The following ASCC3 variants were observed in gnomAD, a reference collection of about 807,000 sequenced individuals.
ASCC3 encodes the protein ASC-1 complex subunit P200.
In ASCC3, 158 loss-of-function variants were observed where a neutral mutation model predicts 256.3. The ratio of observed to expected loss-of-function variants is 0.62; its 90% CI spans 0.54 to 0.70. The LOEUF (loss-of-function observed/expected upper bound fraction) is 0.70. ASCC3 is among the 30% of genes least tolerant of loss of function. The probability of loss-of-function intolerance (pLI) is 0.00; values close to 1 mark genes in which losing one functional copy is unlikely to be tolerated. For synonymous variants in ASCC3, 948 were observed against 883.4 expected, an observed-to-expected ratio of 1.07 and a Z score of -1.30; for missense variants, 2,259 against 2,626.0, an observed-to-expected ratio of 0.86 and a Z score of 3.05.
chr6:100,759,012 A>G (rs1300891377), intron 10 of ASCC3, among the ~76,000 whole-genome samples: 1 of 152,126 alleles, frequency 6.6e-6, no homozygotes, highest in African/African-American at 2.4e-5. Flanking sequence ...GCTGTTTTAC[A>G]TATGTTTGTC....
chr6:100,723,896 A>ATATT (rs1174713262), intron 11 of ASCC3, among the ~76,000 whole-genome samples: 24 of 123,144 alleles, frequency 1.9e-4, no homozygotes, highest in Non-Finnish European at 3.9e-4. Flanking sequence ...ATATATATAT[A>ATATT]TTTATAATTA....
chr6:100,782,249 G>C (rs369320817), intron 8 of ASCC3, among the ~76,000 whole-genome samples: 1 of 152,022 alleles, frequency 6.6e-6, no homozygotes, highest in East Asian at 1.9e-4. Context: ...GATTGTTATC[G>C]GTGCTTTTAA....
At chr6:100,717,927 T>C in intron 12 of ASCC3, 148 bp downstream of exon 12, 1 of 666,988 alleles carries the variant, frequency 1.5e-6, no homozygotes. Context: ...ATATCACATC[T>C]GTAATGTGAT....
intron 14 of ASCC3, 139 bp from the exon 15 acceptor site, chr6:100,662,675 A>G: frequency 2.8e-6 from 2 of 705,042 alleles, no homozygotes; most frequent in Non-Finnish European, 4.7e-6. Context: ...TTAGTATATA[A>G]TGCTTTATAT....
Position 100,814,827 on chromosome 6 carries a change from CTT to C in ASCC3, c.802-8949_802-8948del, listed in dbSNP as rs1470250257. On this transcript the variant is annotated intron_variant, in intron 4 of 41. Coordinates refer to ENST00000369162, the MANE Select transcript of ASCC3 (RefSeq NM_006828.4). ...AATTGTGTTTATTTGGATTTTCTCTCTTTTCTTCTTCATTAGTCTAGCTAGCA... is the reference window on the plus strand; with the variant it reads ...AATTGTGTTTATTTGGATTTTCTCTCTTCTTCTTCATTAGTCTAGCTAGCA... 2.0e-5 allele frequency among the ~76,000 whole-genome samples: 3 copies of C among 151,982 alleles called. No individual in the cohort carries two copies. The East Asian group carries it at 5.8e-4, about 29-fold the overall frequency.
intron 8 of ASCC3, among the ~76,000 whole-genome samples, chr6:100,779,283 G>T (rs1416229982): frequency 6.6e-6 from 1 of 151,962 alleles, no homozygotes; most frequent in Non-Finnish European, 1.5e-5. Flanking sequence ...TTTTGAGATG[G>T]AGTCTCGCTA....
chr6:100,647,388 T>G lies in ASCC3; in HGVS notation c.3316A>C (p.Thr1106Pro). The G allele has an allele frequency of 6.2e-7, 1 of 1,614,040 alleles. No homozygotes were observed. The highest frequency in any genetic ancestry group is 1.1e-5 in the South Asian group (1 of 91,082). ...TTACTAAGATTCAGGAGCCTGTAGG[T>G]CATGGTAGGCCAACGTTTCCTCAGA... is the stretch of plus-strand genomic sequence containing the variant. ...IALRKRWPTMTYRLLNLSKVI... is the reference protein window; with the variant it reads ...IALRKRWPTMPYRLLNLSKVI... The change falls in exon 21 of 42, where the codon ACC becomes CCC. Residue 1106 changes from threonine to proline, a missense_variant. Transcript: ENST00000369162.
chr6:100,511,692 G>A (rs916396597), intron 40 of ASCC3, among the ~76,000 whole-genome samples: 1 of 151,924 alleles, frequency 6.6e-6, no homozygotes, highest in African/African-American at 2.4e-5. Flanking sequence ...AAGTCTGGGC[G>A]ACACAGTGAG....
intron 8 of ASCC3, among the ~76,000 whole-genome samples, chr6:100,774,313 T>C (rs1002492327): frequency 2.6e-5 from 4 of 151,962 alleles, no homozygotes; most frequent in Admixed American, 2.0e-4. Context: ...TACTCAGACA[T>C]GTGCATGTAC....
chr6:100,721,486 CCA>C (rs1481124951), intron 11 of ASCC3, among the ~76,000 whole-genome samples: 1 of 151,564 alleles, frequency 6.6e-6, no homozygotes, highest in Non-Finnish European at 1.5e-5. Context: ...AACATGTGGG[CCA>C]GAGCACATGC....
chr6:100,625,575 G>A (rs1774187698), intron 29 of ASCC3, among the ~76,000 whole-genome samples: 1 of 152,000 alleles, frequency 6.6e-6, no homozygotes, highest in Non-Finnish European at 1.5e-5. Flanking sequence ...ATTATGCTGG[G>A]TCCAAGTTCT....
intron 4 of ASCC3, among the ~76,000 whole-genome samples, chr6:100,817,848 T>C (rs897822206): frequency 6.6e-6 from 1 of 152,108 alleles, no homozygotes; most frequent in Non-Finnish European, 1.5e-5. Context: ...TTTAAAGAAG[T>C]TAATACTAAT....
intron 34 of ASCC3, among the ~76,000 whole-genome samples, chr6:100,597,142 T>C (rs527734785): frequency 3.5e-4 from 54 of 152,286 alleles, no homozygotes; most frequent in African/African-American, 1.2e-3. Context: ...TAATACAGTA[T>C]TGTAATCTCC....
intron 14 of ASCC3, among the ~76,000 whole-genome samples, chr6:100,671,839 T>C (rs918852090): frequency 1.3e-5 from 2 of 152,052 alleles, no homozygotes; most frequent in Non-Finnish European, 2.9e-5. Context: ...CACAAATACA[T>C]GATTAAATAA....
Position 100,518,223 on chromosome 6 carries a change from A to C in ASCC3, c.5776-81T>G, listed in dbSNP as rs1774133521. 8 of 1,474,658 alleles carry C rather than the reference A, an allele frequency of 5.4e-6. No homozygotes were observed. In the East Asian group the frequency reaches 1.9e-4, roughly 34 times the overall value. The allele number at this position is 1,474,658 out of a possible 1,614,324, so 91.3% of individuals were successfully genotyped here. On this transcript the variant is annotated intron_variant, in intron 37 of 41. Coordinates refer to ENST00000369162, the MANE Select transcript of ASCC3 (RefSeq NM_006828.4). ...CACTGGGATTCTGATGTTAGCTTTA[A>C]CAAAAAACAAAGAAACCAAGCATTG...
chr6:100,643,980 T>C (rs747074134), intron 23 of ASCC3, 51 bp downstream of exon 23: 1 of 1,241,290 alleles, frequency 8.1e-7, no homozygotes, highest in Non-Finnish European at 1.2e-6. Context: ...ACTGTTAGTA[T>C]AATTTTTTTT....
chr6:100,814,680 G>T (rs1309347744), intron 4 of ASCC3, among the ~76,000 whole-genome samples: 3 of 152,112 alleles, frequency 2.0e-5, no homozygotes, highest in Non-Finnish European at 2.9e-5. Context: ...GAAGGTATAT[G>T]TGTCCAGGAA....
chr6:100,773,489 C>T (rs530517365), intron 8 of ASCC3, among the ~76,000 whole-genome samples: 209 of 152,222 alleles, frequency 1.4e-3, no homozygotes, highest in Non-Finnish European at 2.4e-3. Context: ...CTCTCCAATT[C>T]CCTAAACAAT....
intron 35 of ASCC3, 51 bp downstream of exon 35, chr6:100,589,897 T>C (rs755098055): frequency 6.3e-7 from 1 of 1,593,672 alleles, no homozygotes; most frequent in African/African-American, 1.3e-5. Flanking sequence ...AAAAGACCTG[T>C]CAAAAAGCTG....
Sources: gnomAD v4.1 joint callset for allele counts (sites outside exome capture counted in the v4.1 genomes callset) on GRCh38, gnomAD v4.1.1 for gene constraint, MANE v1.5 for transcripts, NCBI Gene and HGNC (gene_info 2026-07-23, HGNC 2026-07-21) for gene names.